KATNA1: variants seen among roughly 807,000 people sequenced by gnomAD.
The protein encoded by KATNA1 is katanin catalytic subunit A1.
A neutral mutation model predicts 62.6 loss-of-function variants in KATNA1; 42 were observed. The observed-to-expected ratio is 0.67, with a 90% CI of 0.52 to 0.87. The LOEUF (loss-of-function observed/expected upper bound fraction) is 0.87, where lower values mean the gene tolerates loss of function less well. Among genes scored for constraint, KATNA1 ranks in the 40% least tolerant of loss-of-function variants. The probability of loss-of-function intolerance (pLI) is 0.00; values close to 1 mark genes in which losing one functional copy is unlikely to be tolerated. For synonymous variants in KATNA1, 186 were observed against 201.9 expected (o/e 0.92, Z 0.67); for missense variants, 498 against 612.5 (o/e 0.81, Z 1.97).
At chr6:149,613,863 G>A (rs1198115633) in intron 4 of KATNA1, among the ~76,000 whole-genome samples, 1 of 152,160 alleles carries the variant, frequency 6.6e-6, no homozygotes. Flanking sequence ...TGCCACAAGG[G>A]TTCCTTCCTC....
At chr6:149,608,086 T>G (rs1422976264) in intron 4 of KATNA1, among the ~76,000 whole-genome samples, 1 of 152,068 alleles carries the variant, frequency 6.6e-6, no homozygotes, top group Non-Finnish European at 1.5e-5. Flanking sequence ...AAACAAAAAC[T>G]AGTTCTTTTA....
At chr6:149,633,703 A>C (rs2114611383) in intron 2 of KATNA1, among the ~76,000 whole-genome samples, 1 of 151,794 alleles carries the variant, frequency 6.6e-6, no homozygotes, top group South Asian at 2.1e-4. Context: ...ACTGCACTCC[A>C]GCCTGGGCAA....
At chr6:149,637,281 G>C (rs1348487533) in intron 2 of KATNA1, among the ~76,000 whole-genome samples, 1 of 151,882 alleles carries the variant, frequency 6.6e-6, no homozygotes, top group Non-Finnish European at 1.5e-5. Flanking sequence ...TCACAGTGGG[G>C]AACACCTGTG....
chr6:149,610,475 G>A (rs1778909198), intron 4 of KATNA1, among the ~76,000 whole-genome samples: 1 of 151,902 alleles, frequency 6.6e-6, no homozygotes. Flanking sequence ...ACTTAGACAA[G>A]TTTAAAAAAA....
intron 4 of KATNA1, among the ~76,000 whole-genome samples, chr6:149,615,709 A>G (rs939482567): frequency 2.7e-4 from 41 of 152,116 alleles, no homozygotes; most frequent in African/African-American, 9.9e-4. Flanking sequence ...ACTGGAACTC[A>G]GGAGTTTGAG....
intron 4 of KATNA1, among the ~76,000 whole-genome samples, chr6:149,607,702 C>T: frequency 6.6e-6 from 1 of 152,156 alleles, no homozygotes; most frequent in East Asian, 1.9e-4. Context: ...GGGACCTAGA[C>T]TCCTTTTTTC....
chr6:149,598,043 G>C (rs1005979063), intron 8 of KATNA1, 181 bp downstream of exon 8: 3 of 612,250 alleles, frequency 4.9e-6, no homozygotes, highest in Non-Finnish European at 8.3e-6. Flanking sequence ...CACTGTCAGT[G>C]TACCAAATCT....
At chr6:149,633,253 G>A (rs1190195523) in intron 2 of KATNA1, among the ~76,000 whole-genome samples, 2 of 151,344 alleles carry the variant, frequency 1.3e-5, no homozygotes, top group African/African-American at 2.4e-5. Context: ...GACTACAGGC[G>A]CCCGCCACCA....
intron 2 of KATNA1, among the ~76,000 whole-genome samples, chr6:149,637,046 T>C (rs561867358): frequency 1.3e-5 from 2 of 152,256 alleles, no homozygotes; most frequent in South Asian, 4.1e-4. Flanking sequence ...AATTTTAAAT[T>C]TTTGTTAGTC....
intron 4 of KATNA1, among the ~76,000 whole-genome samples, chr6:149,606,013 G>A (rs1167534851): frequency 6.6e-6 from 1 of 152,126 alleles, no homozygotes; most frequent in Non-Finnish European, 1.5e-5. Flanking sequence ...GCCCACCTCG[G>A]CCTCCCAAAG....
At chr6:149,604,605 T>C (rs1250038432) in intron 5 of KATNA1, 56 bp downstream of exon 5, 1 of 1,595,422 alleles carries the variant, frequency 6.3e-7, no homozygotes, top group East Asian at 2.2e-5. Context: ...TTTGCTCCAT[T>C]TTCCATTCCG....
intron 1 of KATNA1, among the ~76,000 whole-genome samples, chr6:149,641,485 GT>G (rs199825961): frequency 2.0e-5 from 3 of 151,022 alleles, no homozygotes; most frequent in Non-Finnish European, 3.0e-5. Flanking sequence ...CTGCCTTGGG[GT>G]TTTTTTTTAA....
chr6:149,645,304 G>A (rs892985066), intron 1 of KATNA1, among the ~76,000 whole-genome samples: 5 of 152,002 alleles, frequency 3.3e-5, no homozygotes, highest in South Asian at 2.1e-4. Flanking sequence ...TTAGCCGGGC[G>A]TGGTGGCCAG....
At chr6:149,614,256 G>C (rs944318685) in intron 4 of KATNA1, among the ~76,000 whole-genome samples, 3 of 152,150 alleles carry the variant, frequency 2.0e-5, no homozygotes, top group Non-Finnish European at 4.4e-5. Flanking sequence ...TTTGATTGCC[G>C]AATGCAGCTT....
intron 3 of KATNA1, among the ~76,000 whole-genome samples, chr6:149,630,970 C>T (rs1165621111): frequency 6.6e-6 from 1 of 152,184 alleles, no homozygotes; most frequent in Non-Finnish European, 1.5e-5. Context: ...GTTACCCAAC[C>T]TTATTGTACC....
At position 149,603,321 on chromosome 6, in the gene KATNA1, C is replaced by T; in HGVS notation, c.676G>A (p.Val226Met). Residue 226 changes from valine (V) to methionine (M), a missense_variant, in exon 6 of 11, where the codon GTG becomes ATG. Coordinates refer to ENST00000367411, the MANE Select transcript of KATNA1 (RefSeq NM_007044.4). ...EAKKLLKEAV[V>M]LPMWMPEFFK... ...AATTCGGGCATCCACATTGGTAACA[C>T]TACGGCTTCCTTAAGCAACTTTTTA... is the stretch of plus-strand genomic sequence containing the variant. 3 of 1,604,178 alleles carry T rather than the reference C, an allele frequency of 1.9e-6. No individual in the cohort carries two copies. The highest frequency in any genetic ancestry group is 2.2e-5 in the East Asian group (1 of 44,518).
chr6:149,627,039 G>GT (rs1491125383), intron 3 of KATNA1, among the ~76,000 whole-genome samples: 1 of 151,618 alleles, frequency 6.6e-6, no homozygotes, highest in East Asian at 1.9e-4. Flanking sequence ...ACTTACATAC[G>GT]TGTGTGTGTA....
intron 10 of KATNA1, 126 bp from the exon 11 acceptor site, chr6:149,595,360 A>T: frequency 1.6e-6 from 1 of 608,608 alleles, no homozygotes. Context: ...ATATATATGT[A>T]GTATTGTATA....
intron 4 of KATNA1, among the ~76,000 whole-genome samples, chr6:149,608,387 C>T (rs970580580): frequency 6.6e-5 from 10 of 152,266 alleles, no homozygotes; most frequent in Non-Finnish European, 1.3e-4. Flanking sequence ...CCTGGATACG[C>T]CAATTTGAAC....
Sources: allele counts gnomAD v4.1 joint callset (sites outside exome capture counted in the v4.1 genomes callset), GRCh38; gene constraint gnomAD v4.1.1; transcripts MANE v1.5; gene names NCBI Gene and HGNC (gene_info 2026-07-23, HGNC 2026-07-21).